The following KCNQ3 variants were observed in gnomAD, a reference collection of about 807,000 sequenced individuals.
The protein encoded by KCNQ3 is potassium voltage-gated channel subfamily KQT member 3.
Under a neutral mutation model 92.5 loss-of-function variants are expected in KCNQ3, and 30 were observed. That is an observed-to-expected ratio of 0.32 (90% CI 0.24 to 0.44). KCNQ3 has a LOEUF of 0.44. KCNQ3 is among the 20% of genes least tolerant of loss of function. KCNQ3 has a pLI of 1.00. For synonymous variants in KCNQ3, 450 were observed against 468.8 expected, an observed-to-expected ratio of 0.96 and a Z score of 0.52; for missense variants, 913 against 1,140.3, an observed-to-expected ratio of 0.80 and a Z score of 2.87.
At chr8:132,143,361 C>T (rs941738004) in intron 9 of KCNQ3, among the ~76,000 whole-genome samples, 7 of 152,114 alleles carry the variant, frequency 4.6e-5, no homozygotes, top group South Asian at 2.1e-4. Context: ...TCTGGCACTG[C>T]GCTGTATGGA....
intron 11 of KCNQ3, among the ~76,000 whole-genome samples, chr8:132,139,315 T>G (rs114510315): frequency 0.012 from 1,753 of 152,354 alleles, 28 homozygotes; most frequent in African/African-American, 0.039. Context: ...GGAATCCAGA[T>G]AGCTGTGTTT....
intron 1 of KCNQ3, among the ~76,000 whole-genome samples, chr8:132,460,484 T>A (rs1822036499): frequency 6.6e-6 from 1 of 152,124 alleles, no homozygotes. Flanking sequence ...ATATTTTGCT[T>A]AACCGTTAAA....
intron 1 of KCNQ3, among the ~76,000 whole-genome samples, chr8:132,364,690 CGGACGGATGGAT>C (rs200282496): frequency 0.052 from 7,731 of 147,586 alleles, 277 homozygotes; most frequent in South Asian, 0.16. Flanking sequence ...GACGGACGGA[CGGACGGATGGAT>C]GGATGGATGG....
chr8:132,466,015 T>C (rs1217192468), intron 1 of KCNQ3, among the ~76,000 whole-genome samples: 1 of 152,042 alleles, frequency 6.6e-6, no homozygotes, highest in African/African-American at 2.4e-5. Flanking sequence ...GACCATACCA[T>C]AATATTAACA....
chr8:132,429,525 C>T (rs1373206137), intron 1 of KCNQ3, among the ~76,000 whole-genome samples: 1 of 152,112 alleles, frequency 6.6e-6, no homozygotes, highest in African/African-American at 2.4e-5. Flanking sequence ...AGTTTTACCT[C>T]GCTGTCATGT....
intron 1 of KCNQ3, among the ~76,000 whole-genome samples, chr8:132,291,455 C>T (rs1461970418): frequency 6.6e-6 from 1 of 152,162 alleles, no homozygotes; most frequent in Non-Finnish European, 1.5e-5. Flanking sequence ...TCATGTAAAT[C>T]TATATTATCA....
At position 132,129,171 on chromosome 8, in the gene KCNQ3, G is replaced by T; in HGVS notation, c.*91C>A. The T allele has an allele frequency of 6.7e-7, 1 of 1,484,336 alleles. No homozygotes were observed. The highest frequency in any genetic ancestry group is 9.2e-7 in the Non-Finnish European group (1 of 1,087,176). 91.9% of individuals were successfully genotyped at this position (1,484,336 alleles called of 1,614,324 possible). On this transcript the variant is annotated 3_prime_UTR_variant, in exon 15 of 15. Coordinates refer to ENST00000388996, the MANE Select transcript of KCNQ3 (RefSeq NM_004519.4). This position sits in a 1 kb window ranked among gnomAD's most constrained non-coding sequence, Gnocchi z 5.9. ...CACGCATGCATTTGATGCAGCCATT[G>T]GTGTCCCCGCTGGTAAGCGTCGGGT...
intron 1 of KCNQ3, among the ~76,000 whole-genome samples, chr8:132,478,757 G>T (rs922347990): frequency 2.6e-5 from 4 of 152,020 alleles, no homozygotes; most frequent in African/African-American, 9.7e-5. Flanking sequence ...ACCCTCTCCG[G>T]GCTTGGTAAC....
intron 1 of KCNQ3, among the ~76,000 whole-genome samples, chr8:132,264,239 T>C (rs535088162): frequency 6.6e-5 from 10 of 152,332 alleles, no homozygotes; most frequent in African/African-American, 2.4e-4. Flanking sequence ...ATGACACACT[T>C]AGTTCCTGCC....
intron 1 of KCNQ3, among the ~76,000 whole-genome samples, chr8:132,454,792 A>G (rs1159759727): frequency 6.6e-6 from 1 of 152,206 alleles, no homozygotes; most frequent in African/African-American, 2.4e-5. Flanking sequence ...AAGAAACCCA[A>G]GTGTCCCTTC....
intron 1 of KCNQ3, among the ~76,000 whole-genome samples, chr8:132,187,841 T>TGGC (rs1827036574): frequency 7.9e-6 from 1 of 126,284 alleles, no homozygotes; most frequent in Non-Finnish European, 1.6e-5. Flanking sequence ...ATTGTGGTGG[T>TGGC]GGTGGTGGTA....
intron 1 of KCNQ3, among the ~76,000 whole-genome samples, chr8:132,251,082 C>T (rs530575618): frequency 5.9e-5 from 9 of 152,148 alleles, no homozygotes; most frequent in Non-Finnish European, 1.0e-4. Flanking sequence ...GCCTGGGCAA[C>T]ATGGTGAAAC....
At chr8:132,311,397 G>A (rs753373535) in intron 1 of KCNQ3, among the ~76,000 whole-genome samples, 18 of 152,196 alleles carry the variant, frequency 1.2e-4, no homozygotes, top group Admixed American at 3.9e-4. Flanking sequence ...CTAATTTATT[G>A]TAAAAGTAAG....
intron 1 of KCNQ3, among the ~76,000 whole-genome samples, chr8:132,280,377 C>A (rs558973480): frequency 1.1e-4 from 16 of 152,250 alleles, no homozygotes; most frequent in African/African-American, 3.8e-4. Flanking sequence ...CCTTAGGGAG[C>A]TTTTACTCAC....
At chr8:132,143,711 G>T (rs1586766437) in intron 9 of KCNQ3, among the ~76,000 whole-genome samples, 2 of 152,228 alleles carry the variant, frequency 1.3e-5, no homozygotes, top group South Asian at 4.1e-4. Flanking sequence ...ATAGATGCTG[G>T]CTGTCATTAT....
At chr8:132,329,725 C>T (rs1333723110) in intron 1 of KCNQ3, among the ~76,000 whole-genome samples, 1 of 152,214 alleles carries the variant, frequency 6.6e-6, no homozygotes, top group Non-Finnish European at 1.5e-5. Context: ...CTCTTGTTAT[C>T]TCTCTAGCTT....
chr8:132,312,688 G>T (rs896223734), intron 1 of KCNQ3, among the ~76,000 whole-genome samples: 2 of 152,122 alleles, frequency 1.3e-5, no homozygotes, highest in Non-Finnish European at 2.9e-5. Flanking sequence ...GATAGTGAGT[G>T]AGTTCTCACA....
intron 14 of KCNQ3, among the ~76,000 whole-genome samples, chr8:132,131,247 AT>A (rs1290338561): frequency 2.6e-5 from 4 of 152,238 alleles, no homozygotes; most frequent in Non-Finnish European, 5.9e-5. Context: ...CACGGGTCCC[AT>A]TTAGGGTTTT....
chr8:132,315,597 G>A lies in KCNQ3; in HGVS notation c.387-129416C>T, dbSNP rs115883087. On this transcript the variant is annotated intron_variant, in intron 1 of 14. Coordinates refer to ENST00000388996, the MANE Select transcript of KCNQ3 (RefSeq NM_004519.4). ...TTTTTCCACCCCCTCCCCAACTTTCGGGTTGAGATATAGGGTCTCTTCTAT... is the reference window on the plus strand; with the variant it reads ...TTTTTCCACCCCCTCCCCAACTTTCAGGTTGAGATATAGGGTCTCTTCTAT... Among the ~76,000 whole-genome samples the A allele has an allele frequency of 4.7e-3, 708 of 152,126 alleles. 7 individuals carry two copies. Among genetic ancestry groups the A allele is most frequent in the African/African-American group, 0.016 (670 of 41,480 alleles).
Sources: allele counts gnomAD v4.1 joint callset (sites outside exome capture counted in the v4.1 genomes callset), GRCh38; gene constraint gnomAD v4.1.1; non-coding constraint Gnocchi (gnomAD v3.1); transcripts MANE v1.5; gene names NCBI Gene and HGNC (gene_info 2026-07-23, HGNC 2026-07-21).